AFG2A: variants seen among roughly 807,000 people sequenced by gnomAD.
The protein encoded by AFG2A is ATPase family gene 2 protein homolog A.
chr4:123,072,674 A>C, the AFG2A span, among the ~76,000 whole-genome samples: 1 of 152,194 alleles, frequency 6.6e-6, no homozygotes, highest in African/African-American at 2.4e-5. Flanking sequence ...CATAATTTTA[A>C]ACACTAGGGA....
chr4:122,979,109 C>A, the AFG2A span: 1 of 1,172,098 alleles, frequency 8.5e-7, no homozygotes, highest in Non-Finnish European at 1.2e-6. Flanking sequence ...GCCCTGGCCA[C>A]GCCTCCCCCA....
chr4:123,131,403 A>G, the AFG2A span, among the ~76,000 whole-genome samples: 1,963 of 152,220 alleles, frequency 0.013, 43 homozygotes, highest in African/African-American at 0.045. Flanking sequence ...CTAAGTTTAC[A>G]GTTTAGTAGT....
chr4:123,244,358 G>A, the AFG2A span, among the ~76,000 whole-genome samples: 1 of 152,184 alleles, frequency 6.6e-6, no homozygotes, highest in African/African-American at 2.4e-5. Context: ...CAGAAACAAT[G>A]TCTCTTTGGG....
chr4:123,048,314 T>C, the AFG2A span, among the ~76,000 whole-genome samples: 1 of 152,172 alleles, frequency 6.6e-6, no homozygotes, highest in Non-Finnish European at 1.5e-5. Flanking sequence ...CTTCGTTCTT[T>C]TAGCTCAGGA....
chr4:123,015,239 T>C, the AFG2A span, among the ~76,000 whole-genome samples: 1 of 149,480 alleles, frequency 6.7e-6, no homozygotes. Flanking sequence ...CAGAGGGGGA[T>C]TTGGCAGGGT....
At chr4:123,184,728 G>A in the AFG2A span, among the ~76,000 whole-genome samples, 2 of 150,986 alleles carry the variant, frequency 1.3e-5, no homozygotes, top group Admixed American at 1.3e-4. Context: ...AGTAGAGACG[G>A]GGTTTCACCG....
the AFG2A span, among the ~76,000 whole-genome samples, chr4:123,283,210 A>C: frequency 1.3e-5 from 2 of 152,188 alleles, no homozygotes; most frequent in African/African-American, 4.8e-5. Context: ...AAAATATTAA[A>C]TTCTGATAAA....
the AFG2A span, among the ~76,000 whole-genome samples, chr4:122,992,493 A>C: frequency 6.6e-6 from 1 of 152,230 alleles, no homozygotes; most frequent in East Asian, 1.9e-4. Flanking sequence ...ATCTACAAAA[A>C]TTTCTCCAGA....
the AFG2A span, among the ~76,000 whole-genome samples, chr4:123,279,473 G>A: frequency 6.6e-6 from 1 of 152,030 alleles, no homozygotes; most frequent in African/African-American, 2.4e-5. Context: ...CAAGTTGGAA[G>A]TATAGCAAAG....
chr4:123,015,123 C>G, the AFG2A span, among the ~76,000 whole-genome samples: 5 of 151,318 alleles, frequency 3.3e-5, no homozygotes, highest in Non-Finnish European at 5.9e-5. Context: ...CACAATCTGT[C>G]TGCTTTTCAT....
At chr4:123,067,410 G>A in the AFG2A span, among the ~76,000 whole-genome samples, 1 of 151,932 alleles carries the variant, frequency 6.6e-6, no homozygotes, top group Non-Finnish European at 1.5e-5. Flanking sequence ...CCAGCTACTC[G>A]AGAGGCTGAG....
At chr4:123,250,885 C>T in the AFG2A span, among the ~76,000 whole-genome samples, 1 of 151,984 alleles carries the variant, frequency 6.6e-6, no homozygotes, top group Non-Finnish European at 1.5e-5. Flanking sequence ...CCTAATATCC[C>T]AAAACAGTAT....
At chr4:123,169,497 T>G in the AFG2A span, among the ~76,000 whole-genome samples, 1 of 152,196 alleles carries the variant, frequency 6.6e-6, no homozygotes, top group Non-Finnish European at 1.5e-5. Flanking sequence ...TTTTCTCTTT[T>G]GTTTTGTTTT....
At chr4:123,116,026 A>C in the AFG2A span, among the ~76,000 whole-genome samples, 1 of 151,962 alleles carries the variant, frequency 6.6e-6, no homozygotes, top group Non-Finnish European at 1.5e-5. Flanking sequence ...TAGCCACCCA[A>C]GTAGCTGGGA....
the AFG2A span, among the ~76,000 whole-genome samples, chr4:122,967,026 C>G: frequency 2.0e-5 from 3 of 152,126 alleles, no homozygotes; most frequent in African/African-American, 7.2e-5. Context: ...ACTTTAATTG[C>G]TTTCCTTTAA....
the AFG2A span, chr4:122,935,840 G>A: frequency 1.2e-6 from 2 of 1,606,304 alleles, no homozygotes; most frequent in South Asian, 1.1e-5. Flanking sequence ...GAAATTATAA[G>A]CAAGTAAGTA....
chr4:123,175,156 T>C, the AFG2A span, among the ~76,000 whole-genome samples: 2 of 152,164 alleles, frequency 1.3e-5, no homozygotes, highest in African/African-American at 4.8e-5. Context: ...TACATTTTTT[T>C]TTGCTTTACA....
the AFG2A span, among the ~76,000 whole-genome samples, chr4:123,137,847 T>C: frequency 6.6e-6 from 1 of 152,234 alleles, no homozygotes; most frequent in Non-Finnish European, 1.5e-5. Context: ...CTTTGTTTTG[T>C]GTGTTGCTCT....
the AFG2A span, among the ~76,000 whole-genome samples, chr4:123,242,065 T>C: frequency 6.6e-6 from 1 of 152,106 alleles, no homozygotes; most frequent in South Asian, 2.1e-4. Context: ...GAATCCAACT[T>C]ACAAGGGATG....
Sources: gnomAD v4.1 joint callset for allele counts (sites outside exome capture counted in the v4.1 genomes callset) on GRCh38, gnomAD v4.1.1 for gene constraint, MANE v1.5 for transcripts, NCBI Gene and HGNC (gene_info 2026-07-23, HGNC 2026-07-21) for gene names.